ANKS1B: variants seen among roughly 807,000 people sequenced by gnomAD.
ANKS1B encodes ankyrin repeat and sterile alpha motif domain containing 1B.
ANKS1B carries 36 observed loss-of-function variants against 148.3 expected under a neutral mutation model. The ratio of observed to expected loss-of-function variants is 0.24; its 90% CI spans 0.19 to 0.32. The LOEUF (loss-of-function observed/expected upper bound fraction) is 0.32, where lower values mean the gene tolerates loss of function less well. Among genes scored for constraint, ANKS1B ranks in the 10% least tolerant of loss-of-function variants. ANKS1B has a pLI of 1.00. For synonymous variants in ANKS1B, 542 were observed against 560.8 expected (o/e 0.97, Z 0.47); for missense variants, 1,157 against 1,542.6 (o/e 0.75, Z 4.19).
rs115495661 is a variant in ANKS1B, at chr12:99,796,001, G to C, written c.669+10403C>G. 2.1e-3 allele frequency among the ~76,000 whole-genome samples: 318 copies of C among 152,062 alleles called. 3 individuals carry two copies. The highest frequency in any genetic ancestry group is 4.8e-3 in the African/African-American group (199 of 41,520). On this transcript the variant is annotated intron_variant, in intron 4 of 26. Coordinates refer to ENST00000683438, the MANE Select transcript of ANKS1B (RefSeq NM_001352186.2). Reference sequence around the variant, plus strand: ...GTTTTTCTTTTCTTTAGTAAGTCAAGAACTTTCACCTTTTCACTTAGAGGA... The same window carrying C: ...GTTTTTCTTTTCTTTAGTAAGTCAACAACTTTCACCTTTTCACTTAGAGGA...
At chr12:99,693,781 CTTTTTTT>C (rs397851171) in intron 8 of ANKS1B, among the ~76,000 whole-genome samples, 1 of 132,752 alleles carries the variant, frequency 7.5e-6, no homozygotes, top group African/African-American at 2.8e-5. Context: ...ATTTTTTGGA[CTTTTTTT>C]TTTTTTTTTT....
intron 10 of ANKS1B, among the ~76,000 whole-genome samples, chr12:99,478,692 T>C (rs1233572255): frequency 6.6e-6 from 1 of 152,010 alleles, no homozygotes; most frequent in African/African-American, 2.4e-5. Flanking sequence ...AGCTTGGAAG[T>C]GAAAGAAGGA....
intron 9 of ANKS1B, among the ~76,000 whole-genome samples, chr12:99,531,076 T>C (rs932885509): frequency 5.9e-5 from 9 of 152,130 alleles, no homozygotes; most frequent in Admixed American, 4.6e-4. Context: ...CTTTCCTTCA[T>C]AGGCAATCAT....
chr12:99,916,249 GC>G (rs2094166871), intron 1 of ANKS1B, among the ~76,000 whole-genome samples: 2 of 152,134 alleles, frequency 1.3e-5, no homozygotes, highest in African/African-American at 4.8e-5. Context: ...AAGGGGAAGT[GC>G]TGCCATATAA....
intron 12 of ANKS1B, among the ~76,000 whole-genome samples, chr12:99,341,824 T>C (rs2089970896): frequency 1.3e-5 from 2 of 152,080 alleles, no homozygotes; most frequent in African/African-American, 4.8e-5. Flanking sequence ...AATAAAGGTA[T>C]ATAGAAGGAA....
chr12:99,418,404 T>C (rs926726258), intron 11 of ANKS1B, among the ~76,000 whole-genome samples: 4 of 152,232 alleles, frequency 2.6e-5, no homozygotes, highest in Non-Finnish European at 5.9e-5. Flanking sequence ...AATGACCTTG[T>C]ATTTTTAATT....
At chr12:98,989,465 T>C (rs977645370) in intron 17 of ANKS1B, among the ~76,000 whole-genome samples, 2 of 152,234 alleles carry the variant, frequency 1.3e-5, no homozygotes, top group Admixed American at 1.3e-4. Context: ...TCCATTGGTT[T>C]ACGTGTCTAT....
At chr12:99,699,705 G>GTA (rs1455208450) in intron 8 of ANKS1B, among the ~76,000 whole-genome samples, 5 of 152,150 alleles carry the variant, frequency 3.3e-5, no homozygotes, top group Non-Finnish European at 7.4e-5. Context: ...AGGATAGAGT[G>GTA]TATATTCATC....
Position 99,575,888 on chromosome 12 carries a change from A to T in ANKS1B, c.1273-71247T>A, listed in dbSNP as rs570125903. Reference sequence around the variant, plus strand: ...GGTAAAAACACAATGACAGGATCAAACACACACACATCAATACTAACCTTG... The same window carrying T: ...GGTAAAAACACAATGACAGGATCAATCACACACACATCAATACTAACCTTG... On this transcript the variant is annotated intron_variant, in intron 9 of 26. Coordinates refer to ENST00000683438, the MANE Select transcript of ANKS1B (RefSeq NM_001352186.2). 2.0e-5 allele frequency among the ~76,000 whole-genome samples: 3 copies of T among 152,290 alleles called. No homozygotes were observed. The South Asian group carries it at 6.2e-4, about 32-fold the overall frequency.
intron 1 of ANKS1B, among the ~76,000 whole-genome samples, chr12:99,832,483 G>A (rs1288494548): frequency 6.6e-6 from 1 of 152,028 alleles, no homozygotes; most frequent in Admixed American, 6.6e-5. Flanking sequence ...CAGCACTTTG[G>A]GAGGCCGGGG....
chr12:99,111,819 G>T (rs1329871593), intron 15 of ANKS1B, among the ~76,000 whole-genome samples: 1 of 151,938 alleles, frequency 6.6e-6, no homozygotes, highest in African/African-American at 2.4e-5. Flanking sequence ...ACAAGGCGAT[G>T]GTGGCAGTAA....
intron 14 of ANKS1B, among the ~76,000 whole-genome samples, chr12:99,164,191 T>C (rs1264985447): frequency 6.6e-6 from 1 of 152,164 alleles, no homozygotes; most frequent in East Asian, 1.9e-4. Flanking sequence ...TTATCAATTT[T>C]TTTATGGATC....
chr12:99,862,515 T>C (rs986139289), intron 1 of ANKS1B, among the ~76,000 whole-genome samples: 12 of 152,220 alleles, frequency 7.9e-5, no homozygotes, highest in African/African-American at 2.9e-4. Context: ...GCTATTATTC[T>C]AGCAAGGCAA....
chr12:99,469,527 G>T (rs2096201778), intron 10 of ANKS1B, among the ~76,000 whole-genome samples: 1 of 151,970 alleles, frequency 6.6e-6, no homozygotes, highest in South Asian at 2.1e-4. Context: ...TGTCTAATTT[G>T]TCTTTATATC....
chr12:99,739,870 C>G (rs2059934307), intron 8 of ANKS1B, among the ~76,000 whole-genome samples: 1 of 152,208 alleles, frequency 6.6e-6, no homozygotes, highest in Non-Finnish European at 1.5e-5. Context: ...TGTTTTACTT[C>G]TGCCCTTCCC....
intron 8 of ANKS1B, among the ~76,000 whole-genome samples, chr12:99,717,555 T>C (rs1289621055): frequency 6.6e-6 from 1 of 152,024 alleles, no homozygotes; most frequent in Non-Finnish European, 1.5e-5. Flanking sequence ...CCACTGAAAA[T>C]TGGACTGTTC....
At chr12:99,798,432 A>C (rs1390887558) in intron 4 of ANKS1B, among the ~76,000 whole-genome samples, 1 of 114,556 alleles carries the variant, frequency 8.7e-6, no homozygotes, top group African/African-American at 3.1e-5. Flanking sequence ...TTAAAAAAAA[A>C]AAAAAAAAAA....
intron 11 of ANKS1B, among the ~76,000 whole-genome samples, chr12:99,400,132 CT>C (rs1261469063): frequency 7.8e-5 from 10 of 127,870 alleles, no homozygotes; most frequent in Non-Finnish European, 1.5e-4. Flanking sequence ...TTTAAGTCAC[CT>C]TTCATTCAAC....
chr12:99,366,620 G>A (rs2092784870), intron 12 of ANKS1B, among the ~76,000 whole-genome samples: 1 of 152,092 alleles, frequency 6.6e-6, no homozygotes, highest in Admixed American at 6.6e-5. Flanking sequence ...TTTAGAATAA[G>A]TGATATTGGT....
Sources: allele counts gnomAD v4.1 joint callset (sites outside exome capture counted in the v4.1 genomes callset), GRCh38; gene constraint gnomAD v4.1.1; transcripts MANE v1.5; gene names NCBI Gene and HGNC (gene_info 2026-07-23, HGNC 2026-07-21).